SH3BGRL2: variants seen among roughly 807,000 people sequenced by gnomAD.
SH3BGRL2 encodes the protein SH3 domain-binding glutamic acid-rich-like protein 2.
SH3BGRL2 carries 21 observed loss-of-function variants against 14.8 expected under a neutral mutation model. That is an observed-to-expected ratio of 1.42 (90% CI 1.01 to 2.05). SH3BGRL2 has a LOEUF of 2.05. Among genes scored for constraint, SH3BGRL2 ranks in the 30% most tolerant of loss-of-function variants. The pLI is 0.00. For missense variants in SH3BGRL2, 147 were observed against 130.8 expected, an observed-to-expected ratio of 1.12 and a Z score of -0.61; for synonymous variants, 50 against 47.8, an observed-to-expected ratio of 1.05 and a Z score of -0.19.
chr6:79,631,628 C>G, intron 1 of SH3BGRL2, 122 bp downstream of exon 1: 1 of 565,090 alleles, frequency 1.8e-6, no homozygotes, highest in South Asian at 6.8e-5. Context: ...AGCCCGCGCC[C>G]GGCAGGTGAT....
intron 2 of SH3BGRL2, among the ~76,000 whole-genome samples, chr6:79,679,811 A>T (rs1346221148): frequency 6.6e-6 from 1 of 151,972 alleles, no homozygotes; most frequent in Admixed American, 6.6e-5. Flanking sequence ...TGTGGTTTTG[A>T]TTTGTACATC....
intron 2 of SH3BGRL2, among the ~76,000 whole-genome samples, chr6:79,692,567 C>G (rs1197729388): frequency 6.6e-6 from 1 of 152,124 alleles, no homozygotes; most frequent in Non-Finnish European, 1.5e-5. Context: ...TTTCAGCTTT[C>G]TACATATGGC....
the SH3BGRL2 span, among the ~76,000 whole-genome samples, chr6:79,607,895 G>A: frequency 7.2e-5 from 11 of 152,034 alleles, no homozygotes; most frequent in East Asian, 1.2e-3. Context: ...ACAGTGAGCC[G>A]AGATCGCACC....
the SH3BGRL2 span, among the ~76,000 whole-genome samples, chr6:79,569,953 T>C: frequency 1.3e-5 from 2 of 152,110 alleles, no homozygotes; most frequent in African/African-American, 4.8e-5. Flanking sequence ...AGACTGTCAA[T>C]GGGAACACGC....
rs113448713 is a variant in SH3BGRL2 at position 79,693,709 on chromosome 6, C to T, written c.232-2776C>T. Among the ~76,000 whole-genome samples the T allele has an allele frequency of 3.7e-3, 561 of 152,220 alleles. 4 individuals carry two copies. The highest frequency in any genetic ancestry group is 0.012 in the African/African-American group (519 of 41,534). On this transcript the variant is annotated intron_variant, in intron 2 of 3. Coordinates refer to ENST00000369838, the MANE Select transcript of SH3BGRL2 (RefSeq NM_031469.4). ...AGCCATGCATCCCAGGGATGAAGCC[C>T]GCTTGATCATAGTGGATAAGCTTTT...
chr6:79,690,180 C>T (rs1266086019), intron 2 of SH3BGRL2, among the ~76,000 whole-genome samples: 2 of 151,864 alleles, frequency 1.3e-5, no homozygotes, highest in South Asian at 2.1e-4. Flanking sequence ...TTTTTAGAGA[C>T]GGGGTCTTGC....
intron 1 of SH3BGRL2, among the ~76,000 whole-genome samples, chr6:79,644,130 T>G (rs1769083385): frequency 6.6e-6 from 1 of 152,178 alleles, no homozygotes; most frequent in African/African-American, 2.4e-5. Flanking sequence ...CCCTCATCCT[T>G]TACATCTTGA....
the SH3BGRL2 span, among the ~76,000 whole-genome samples, chr6:79,608,662 CA>C: frequency 6.6e-6 from 1 of 152,156 alleles, no homozygotes; most frequent in Non-Finnish European, 1.5e-5. Context: ...AGTTATTATT[CA>C]GAGGCAAAAG....
the SH3BGRL2 span, among the ~76,000 whole-genome samples, chr6:79,544,062 G>C: frequency 1.3e-5 from 2 of 152,044 alleles, no homozygotes; most frequent in East Asian, 1.9e-4. Context: ...TACCCTGCAG[G>C]GGATAGAATA....
At position 79,692,591 on chromosome 6, in the gene SH3BGRL2, C is replaced by T. The variant is rs528746277; in HGVS notation, c.232-3894C>T. On this transcript the variant is annotated intron_variant, in intron 2 of 3. Coordinates refer to ENST00000369838, the MANE Select transcript of SH3BGRL2 (RefSeq NM_031469.4). ...TCTACATATGGCTAGCCAGTTTTCC[C>T]AGCACCATTTATTAAATAGAGACTC... 3.6e-3 allele frequency among the ~76,000 whole-genome samples: 553 copies of T among 152,274 alleles called. 4 individuals carry two copies. The highest frequency in any genetic ancestry group is 0.012 in the African/African-American group (516 of 41,534).
At chr6:79,595,744 C>A in the SH3BGRL2 span, among the ~76,000 whole-genome samples, 1 of 152,164 alleles carries the variant, frequency 6.6e-6, no homozygotes, top group Non-Finnish European at 1.5e-5. Context: ...TGGTTGCATT[C>A]CCCTTAACAT....
intron 2 of SH3BGRL2, among the ~76,000 whole-genome samples, chr6:79,688,175 A>G (rs58544915): frequency 0.019 from 2,886 of 151,990 alleles, 81 homozygotes; most frequent in African/African-American, 0.064. Flanking sequence ...GAACATAAAC[A>G]GAAGTATAGG....
At chr6:79,567,769 T>G in the SH3BGRL2 span, among the ~76,000 whole-genome samples, 1 of 152,160 alleles carries the variant, frequency 6.6e-6, no homozygotes, top group Non-Finnish European at 1.5e-5. Flanking sequence ...AAAACTTCTG[T>G]TTATTGAAAG....
chr6:79,579,699 C>A, the SH3BGRL2 span, among the ~76,000 whole-genome samples: 23 of 152,278 alleles, frequency 1.5e-4, no homozygotes, highest in African/African-American at 5.3e-4. Context: ...AAAAACATGC[C>A]AAATTGTAAA....
At chr6:79,554,005 T>C in the SH3BGRL2 span, among the ~76,000 whole-genome samples, 1 of 151,808 alleles carries the variant, frequency 6.6e-6, no homozygotes, top group Non-Finnish European at 1.5e-5. Flanking sequence ...AAGAAAATTA[T>C]ATGGTCTGAC....
In SH3BGRL2 at chr6:79,690,323, ATGG is replaced by A. The variant is rs1770187269; in HGVS notation, c.232-6160_232-6158del. 1.3e-5 allele frequency among the ~76,000 whole-genome samples: 2 copies of A among 152,146 alleles called. 1 individual carries two copies. Among genetic ancestry groups the A allele is most frequent in the South Asian group, 4.1e-4 (2 of 4,820 alleles). The stretch of plus-strand genomic sequence containing the variant: ...GATATTTTTAATCACATAGAGACAG[ATGG>A]TAGCCTTTTAAAACAAGAACAGGGA... On this transcript the variant is annotated intron_variant, in intron 2 of 3. Transcript: ENST00000369838.
intron 2 of SH3BGRL2, among the ~76,000 whole-genome samples, chr6:79,692,536 A>ATTCCT (rs1770242686): frequency 1.3e-5 from 2 of 152,166 alleles, no homozygotes; most frequent in Admixed American, 1.3e-4. Flanking sequence ...TTTTTGTATA[A>ATTCCT]GGTGTAAGGA....
At chr6:79,583,780 A>G in the SH3BGRL2 span, among the ~76,000 whole-genome samples, 1 of 152,186 alleles carries the variant, frequency 6.6e-6, no homozygotes, top group Admixed American at 6.5e-5. Flanking sequence ...TTTGGAATTT[A>G]TGCATTTTCC....
intron 1 of SH3BGRL2, among the ~76,000 whole-genome samples, chr6:79,642,844 A>T (rs1033397944): frequency 6.6e-6 from 1 of 152,184 alleles, no homozygotes; most frequent in Non-Finnish European, 1.5e-5. Context: ...TTTAATGAAG[A>T]TGAATGGAAT....
Sources: allele counts gnomAD v4.1 joint callset (sites outside exome capture counted in the v4.1 genomes callset), GRCh38; gene constraint gnomAD v4.1.1; transcripts MANE v1.5; gene names NCBI Gene and HGNC (gene_info 2026-07-23, HGNC 2026-07-21).